USP12: variants seen among roughly 807,000 people sequenced by gnomAD.
USP12 encodes ubiquitin carboxyl-terminal hydrolase 12.
Under a neutral mutation model 45.5 loss-of-function variants are expected in USP12, and 19 were observed. That is an observed-to-expected ratio of 0.42 (90% confidence interval 0.29 to 0.61). The LOEUF is 0.61. Ranked by LOEUF, USP12 falls within the 20% of genes least tolerant of loss-of-function variation. The probability of loss-of-function intolerance (pLI) is 0.22; values close to 1 mark genes in which losing one functional copy is unlikely to be tolerated. For synonymous variants in USP12, 149 were observed against 148.8 expected (o/e 1.00, Z -0.01); for missense variants, 242 against 447.7 (o/e 0.54, Z 4.15).
rs139708189 is a variant in USP12 at position 27,116,724 on chromosome 13, C to G, written c.49-128G>C. 5 of 684,570 alleles carry G rather than the reference C, an allele frequency of 7.3e-6. No individual in the cohort carries two copies. In the East Asian group the frequency reaches 1.5e-4, roughly 20 times the overall value. The allele number at this position is 684,570 out of a possible 1,614,324, so 42.4% of individuals were successfully genotyped here. A position where few individuals can be genotyped will look rare whatever the true frequency, so the allele number is the denominator to read the frequency against. On this transcript the variant is annotated intron_variant, in intron 1 of 8. Coordinates refer to ENST00000282344, the MANE Select transcript of USP12 (RefSeq NM_182488.4). ...ACGATGGAGCTGCCCTACACAGGTGCGTCTTTATCCTTTACACCGTATTTT... is the reference window on the plus strand; with the variant it reads ...ACGATGGAGCTGCCCTACACAGGTGGGTCTTTATCCTTTACACCGTATTTT...
intron 3 of USP12, 28 bp from the exon 4 acceptor site, chr13:27,095,858 A>T: frequency 6.6e-7 from 1 of 1,504,980 alleles, no homozygotes; most frequent in Non-Finnish European, 8.9e-7. Flanking sequence ...ATATTAGAGA[A>T]TTATTTCAGA....
At chr13:27,127,372 A>G (rs1876291918) in intron 1 of USP12, among the ~76,000 whole-genome samples, 2 of 152,206 alleles carry the variant, frequency 1.3e-5, no homozygotes, top group African/African-American at 4.8e-5. Flanking sequence ...GGGAACAGAG[A>G]GGTTCAGCTG....
At chr13:27,139,328 A>G (rs936996060) in intron 1 of USP12, among the ~76,000 whole-genome samples, 2 of 152,076 alleles carry the variant, frequency 1.3e-5, no homozygotes, top group Non-Finnish European at 2.9e-5. Context: ...TAAAATAGTC[A>G]CTCTTGGCTG....
chr13:27,103,161 A>C (rs973106235), intron 3 of USP12, among the ~76,000 whole-genome samples: 1 of 152,238 alleles, frequency 6.6e-6, no homozygotes, highest in Non-Finnish European at 1.5e-5. Flanking sequence ...GTATGGCAGG[A>C]AATTAATTTA....
chr13:27,161,773 T>C (rs1285747294), intron 1 of USP12, among the ~76,000 whole-genome samples: 1 of 151,870 alleles, frequency 6.6e-6, no homozygotes, highest in Non-Finnish European at 1.5e-5. Context: ...TCCCAGATAC[T>C]TGGGAGGCTC....
rs80162477 is a variant in USP12 at position 27,092,526 on chromosome 13, C to G, written c.574-2368G>C. Among the ~76,000 whole-genome samples, 52 of 152,212 alleles carry G rather than the reference C, an allele frequency of 3.4e-4. No individual in the cohort carries two copies. In the East Asian group the frequency reaches 8.1e-3, roughly 24 times the overall value. On this transcript the variant is annotated intron_variant, in intron 4 of 8. Transcript: ENST00000282344. ...GTGGGGAAAGAACAGATATACGGACCAACAGGACAGAAGACAGTGACCAGA... is the reference window on the plus strand; with the variant it reads ...GTGGGGAAAGAACAGATATACGGACGAACAGGACAGAAGACAGTGACCAGA...
intron 1 of USP12, among the ~76,000 whole-genome samples, chr13:27,146,260 G>C (rs1877302231): frequency 6.6e-6 from 1 of 152,124 alleles, no homozygotes; most frequent in Non-Finnish European, 1.5e-5. Flanking sequence ...AAATTAGCCA[G>C]GTGTGGTGGT....
chr13:27,090,857 T>C (rs886695317), intron 4 of USP12, among the ~76,000 whole-genome samples: 14 of 152,300 alleles, frequency 9.2e-5, no homozygotes, highest in African/African-American at 2.9e-4. Context: ...TATTAGCACA[T>C]AGAGTTGTTC....
chr13:27,122,150 C>CGTGA, intron 1 of USP12, among the ~76,000 whole-genome samples: 1 of 152,156 alleles, frequency 6.6e-6, no homozygotes, highest in East Asian at 1.9e-4. Context: ...GGCGAAACCC[C>CGTGA]GTGATATGGT....
At chr13:27,113,869 C>A (rs957207694) in intron 2 of USP12, among the ~76,000 whole-genome samples, 1 of 152,028 alleles carries the variant, frequency 6.6e-6, no homozygotes, top group East Asian at 1.9e-4. Flanking sequence ...GAAAAGAGAA[C>A]CAAGAGACAT....
Position 27,109,912 on chromosome 13 carries a change from C to CAAAAAAAAAAAA in USP12, c.130-3980_130-3969dup, listed in dbSNP as rs58500654. Reference sequence around the variant, plus strand: ...GGGCGACACAGTGAGACTCTGTCTCCAAAAAAAAAAAAAAGTCATCTTTGA... The same window carrying CAAAAAAAAAAAA: ...GGGCGACACAGTGAGACTCTGTCTCCAAAAAAAAAAAAAAAAAAAAAAAAAAGTCATCTTTGA... On this transcript the variant is annotated intron_variant, in intron 2 of 8. Coordinates refer to ENST00000282344, the MANE Select transcript of USP12 (RefSeq NM_182488.4). Among the ~76,000 whole-genome samples the CAAAAAAAAAAAA allele has an allele frequency of 3.0e-3, 328 of 108,076 alleles. 6 individuals carry two copies. Among genetic ancestry groups the CAAAAAAAAAAAA allele is most frequent in the Admixed American group, 0.015 (138 of 9,240 alleles). 70.9% of individuals were successfully genotyped at this position (108,076 alleles called of 152,430 possible).
chr13:27,131,272 G>C (rs1876487863), intron 1 of USP12, among the ~76,000 whole-genome samples: 1 of 152,090 alleles, frequency 6.6e-6, no homozygotes, highest in Non-Finnish European at 1.5e-5. Flanking sequence ...CTGGTGAGAG[G>C]GTGAGCAGTG....
chr13:27,108,483 T>C (rs1255065771), intron 2 of USP12, among the ~76,000 whole-genome samples: 2 of 150,778 alleles, frequency 1.3e-5, no homozygotes, highest in Non-Finnish European at 2.9e-5. Context: ...TGTATACATA[T>C]GTAGCTAACC....
intron 1 of USP12, among the ~76,000 whole-genome samples, chr13:27,158,036 G>C (rs139688735): frequency 6.6e-6 from 1 of 152,292 alleles, no homozygotes; most frequent in African/African-American, 2.4e-5. Flanking sequence ...TGGGTGAACT[G>C]TGTTCCCTAA....
At chr13:27,086,189 A>T (rs866546815) in intron 6 of USP12, among the ~76,000 whole-genome samples, 13,839 of 80,050 alleles carry the variant, frequency 0.17, 1,684 homozygotes, top group Non-Finnish European at 0.2. Context: ...AAAAAAAAAA[A>T]AAAAAAAAAT....
chr13:27,169,608 A>T (rs1048869616), intron 1 of USP12, among the ~76,000 whole-genome samples: 2 of 152,136 alleles, frequency 1.3e-5, no homozygotes, highest in African/African-American at 4.8e-5. Flanking sequence ...CACGCCCCAC[A>T]TGTAATTAAT....
chr13:27,123,091 C>A (rs1876073533), intron 1 of USP12, among the ~76,000 whole-genome samples: 1 of 137,268 alleles, frequency 7.3e-6, no homozygotes, highest in African/African-American at 2.7e-5. Context: ...GAGTCCATCT[C>A]AAAAAAAAAA....
At chr13:27,119,462 A>T (rs1321609351) in intron 1 of USP12, among the ~76,000 whole-genome samples, 1 of 152,196 alleles carries the variant, frequency 6.6e-6, no homozygotes, top group African/African-American at 2.4e-5. Context: ...AAGAATCTTC[A>T]CTTGCAAAAT....
At position 27,071,150 on chromosome 13, in the gene USP12, C is replaced by G; in HGVS notation, c.933-1G>C. 1.3e-6 allele frequency: 2 copies of G among 1,590,278 alleles called. No homozygotes were observed. The highest frequency in any genetic ancestry group is 8.5e-7 in the Non-Finnish European group (1 of 1,172,188). ...AATATAATGGCCTCGATTGGGACCA[C>G]TAAAACAAACGAAGAAGAAGTTAAT... On this transcript the variant is annotated splice_acceptor_variant, in intron 7 of 8. Coordinates refer to ENST00000282344, the MANE Select transcript of USP12 (RefSeq NM_182488.4). LOFTEE classifies it high-confidence loss of function.
Sources: allele counts gnomAD v4.1 joint callset (sites outside exome capture counted in the v4.1 genomes callset), GRCh38; gene constraint gnomAD v4.1.1; transcripts MANE v1.5; gene names NCBI Gene and HGNC (gene_info 2026-07-23, HGNC 2026-07-21).